DLGAP1: variants seen among roughly 807,000 people sequenced by gnomAD.
DLGAP1 encodes DLG associated protein 1, also known as disks large-associated protein 1.
In DLGAP1, 11 loss-of-function variants were observed where a neutral mutation model predicts 90.8. That is an observed-to-expected ratio of 0.12 (90% confidence interval 0.08 to 0.20). DLGAP1 has a LOEUF of 0.20. Among genes scored for constraint, DLGAP1 ranks in the 10% least tolerant of loss-of-function variants. The pLI, the probability that DLGAP1 is intolerant of heterozygous loss-of-function variation, is 1.00. For missense variants in DLGAP1, 1,050 were observed against 1,333.8 expected (o/e 0.79, Z 3.31); for synonymous variants, 558 against 540.7 (o/e 1.03, Z -0.44).
chr18:3,793,449 C>G (rs963431302), intron 5 of DLGAP1, among the ~76,000 whole-genome samples: 2 of 152,120 alleles, frequency 1.3e-5, no homozygotes, highest in African/African-American at 4.8e-5. Context: ...CTGTCAGAGT[C>G]CCCGTGTCAC....
chr18:4,402,551 G>A (rs993136287), intron 1 of DLGAP1, among the ~76,000 whole-genome samples: 1 of 152,078 alleles, frequency 6.6e-6, no homozygotes, highest in African/African-American at 2.4e-5. Context: ...ATTCAGACAG[G>A]GTGAAATGAC....
intron 3 of DLGAP1, among the ~76,000 whole-genome samples, chr18:3,975,494 C>G (rs8099611): frequency 0.49 from 74,123 of 151,938 alleles, 18,700 homozygotes; most frequent in African/African-American, 0.61. Context: ...CTTGAACGCA[C>G]TCACTGTGGA....
Position 3,653,789 on chromosome 18 carries a change from C to T in DLGAP1, c.1592-71541G>A, listed in dbSNP as rs1228181402. ...TTAAAAAAGGAAAGCGGTTTCATTT[C>T]TGACAGTGGATTTCTTCCACTGATG... On this transcript the variant is annotated intron_variant, in intron 7 of 12. Transcript: ENST00000315677. This position sits in a 1 kb window ranked among gnomAD's most constrained non-coding sequence, Gnocchi z 4.6. The T allele has an allele frequency of 6.6e-6, 1 of 152,082 alleles. No homozygotes were observed. The highest frequency in any genetic ancestry group is 1.5e-5 in the Non-Finnish European group (1 of 68,020). The allele number at this position is 152,082 out of a possible 1,614,324, so 9.4% of individuals were successfully genotyped here.
At chr18:4,180,627 A>G (rs959358996) in intron 1 of DLGAP1, among the ~76,000 whole-genome samples, 1 of 152,196 alleles carries the variant, frequency 6.6e-6, no homozygotes, top group African/African-American at 2.4e-5. Flanking sequence ...TTTCAATACT[A>G]GTACAAAGAA....
chr18:3,913,359 G>C (rs1035629351), intron 3 of DLGAP1, among the ~76,000 whole-genome samples: 1 of 152,088 alleles, frequency 6.6e-6, no homozygotes, highest in African/African-American at 2.4e-5. Context: ...AAGTGTTATA[G>C]GATTACAGAC....
intron 1 of DLGAP1, among the ~76,000 whole-genome samples, chr18:4,262,370 A>G (rs1263862714): frequency 6.6e-6 from 1 of 152,200 alleles, no homozygotes; most frequent in Non-Finnish European, 1.5e-5. Flanking sequence ...GATGCTGTGC[A>G]TATCTGTCTA....
chr18:3,715,322 G>A (rs533630438), intron 7 of DLGAP1, among the ~76,000 whole-genome samples: 36 of 152,378 alleles, frequency 2.4e-4, no homozygotes, highest in African/African-American at 8.7e-4. Context: ...AGTCAAGGAA[G>A]AGGTTGGAGA....
At position 3,989,867 on chromosome 18, in the gene DLGAP1, A is replaced by C. The variant is rs1040653926; in HGVS notation, c.-73+15249T>G. On this transcript the variant is annotated intron_variant, in intron 3 of 12. Coordinates refer to ENST00000315677, the MANE Select transcript of DLGAP1 (RefSeq NM_004746.4). ...CAAAAGAAGACATTTATGCAGCCAA[A>C]AGACACATGAAAAAATGCTCATCAT... Among the ~76,000 whole-genome samples the C allele has an allele frequency of 8.5e-5, 13 of 152,272 alleles. No individual in the cohort carries two copies. The East Asian group carries it at 2.5e-3, about 29-fold the overall frequency.
chr18:3,828,899 A>T (rs1383331508), intron 4 of DLGAP1, among the ~76,000 whole-genome samples: 7 of 152,228 alleles, frequency 4.6e-5, no homozygotes, highest in Admixed American at 3.9e-4. Flanking sequence ...TATATAATTT[A>T]ACCCAGACAT....
intron 7 of DLGAP1, among the ~76,000 whole-genome samples, chr18:3,666,657 C>T (rs1394929735): frequency 6.6e-6 from 1 of 152,218 alleles, no homozygotes; most frequent in Non-Finnish European, 1.5e-5. Context: ...AAACTCCTTC[C>T]TTTTCCATCC....
chr18:4,072,300 T>A (rs1598349942), intron 2 of DLGAP1, among the ~76,000 whole-genome samples: 1 of 5,490 alleles, frequency 1.8e-4, no homozygotes, highest in Admixed American at 8.0e-4. Flanking sequence ...TGATGAAACT[T>A]TTTTTTTTTT....
At chr18:4,379,131 A>T (rs188618690) in intron 1 of DLGAP1, among the ~76,000 whole-genome samples, 11 of 152,290 alleles carry the variant, frequency 7.2e-5, no homozygotes, top group Admixed American at 7.2e-4. Flanking sequence ...AATCATATAG[A>T]ATGGGAAACT....
At chr18:3,978,174 TG>T in intron 3 of DLGAP1, 1 of 433,790 alleles carries the variant, frequency 2.3e-6, no homozygotes, top group Non-Finnish European at 4.5e-6. Context: ...AAGCCCTTGG[TG>T]GCACAGGAGG....
chr18:3,603,906 A>G (rs1053570256), intron 7 of DLGAP1: 1 of 154,368 alleles, frequency 6.5e-6, no homozygotes, highest in Non-Finnish European at 1.5e-5. Context: ...GCTTTGCAAA[A>G]TTAAAGATTT....
At chr18:3,645,261 T>G (rs2059078903) in intron 7 of DLGAP1, among the ~76,000 whole-genome samples, 1 of 152,002 alleles carries the variant, frequency 6.6e-6, no homozygotes, top group South Asian at 2.1e-4. Flanking sequence ...CCTGGCTAAT[T>G]TTTGTATTTC....
At chr18:3,600,963 T>TATATAG (rs2056963012) in intron 7 of DLGAP1, among the ~76,000 whole-genome samples, 2 of 97,434 alleles carry the variant, frequency 2.1e-5, no homozygotes, top group Admixed American at 2.0e-4. Flanking sequence ...TATATATAGA[T>TATATAG]ATATAGATAG....
At position 3,845,213 on chromosome 18, in the gene DLGAP1, AG is replaced by A; in HGVS notation, c.958-30941del. Reference sequence around the variant, plus strand: ...CGATTTATTTTCCTTTCCATAGCCCAGAATTGCTATTAGCTTACCTTATTAG... The same window carrying A: ...CGATTTATTTTCCTTTCCATAGCCCAAATTGCTATTAGCTTACCTTATTAG... On this transcript the variant is annotated intron_variant, in intron 4 of 12. Transcript: ENST00000315677. 1.9e-6 allele frequency: 3 copies of A among 1,612,072 alleles called. No homozygotes were observed. In the East Asian group the frequency reaches 6.7e-5, roughly 36 times the overall value.
rs976957628 is a variant in DLGAP1 at position 3,680,509 on chromosome 18, C to T, written c.1591+48626G>A. Among the ~76,000 whole-genome samples, 5 of 152,220 alleles carry T rather than the reference C, an allele frequency of 3.3e-5. No individual in the cohort carries two copies. The East Asian group carries it at 5.8e-4, about 18-fold the overall frequency. On this transcript the variant is annotated intron_variant, in intron 7 of 12. Transcript: ENST00000315677. ...GCTTAGCCATTGAAAATTTGGAGGC[C>T]GGGCGTGCTGGCTCACGCCTGTAAT...
intron 2 of DLGAP1, among the ~76,000 whole-genome samples, chr18:4,008,094 T>A (rs114849016): frequency 0.015 from 2,304 of 152,182 alleles, 57 homozygotes; most frequent in African/African-American, 0.053. Flanking sequence ...CCACTGGGAT[T>A]TTTCCACTGA....
Sources: gnomAD v4.1 joint callset for allele counts (sites outside exome capture counted in the v4.1 genomes callset) on GRCh38, gnomAD v4.1.1 for gene constraint, Gnocchi (gnomAD v3.1) non-coding constraint, MANE v1.5 for transcripts, NCBI Gene and HGNC (gene_info 2026-07-23, HGNC 2026-07-21) for gene names.